SHISAL2B: variants seen among roughly 807,000 people sequenced by gnomAD.
SHISAL2B encodes the protein protein shisa-like-2B.
Under a neutral mutation model 16.5 loss-of-function variants are expected in SHISAL2B, and 12 were observed. The observed-to-expected ratio is 0.73, with a 90% CI of 0.47 to 1.18. The LOEUF (loss-of-function observed/expected upper bound fraction) is 1.18. Ranked by LOEUF, SHISAL2B falls within the 50% of genes most tolerant of loss-of-function variation. The probability of loss-of-function intolerance (pLI) is 0.00; values close to 1 mark genes in which losing one functional copy is unlikely to be tolerated. For missense variants in SHISAL2B, 183 were observed against 193.6 expected (o/e 0.95, Z 0.33); for synonymous variants, 72 against 75.0 (o/e 0.96, Z 0.21).
At chr5:64,715,319 AG>A (rs1167178638) in intron 2 of SHISAL2B, among the ~76,000 whole-genome samples, 1 of 152,180 alleles carries the variant, frequency 6.6e-6, no homozygotes, top group African/African-American at 2.4e-5. Flanking sequence ...ACTCATATCC[AG>A]AAGACATGCT....
intron 2 of SHISAL2B, among the ~76,000 whole-genome samples, chr5:64,702,864 ATAAAC>A (rs1741828492): frequency 6.6e-6 from 1 of 152,222 alleles, no homozygotes; most frequent in Non-Finnish European, 1.5e-5. Flanking sequence ...GTCACTAGTC[ATAAAC>A]TAAATTCTTA....
In SHISAL2B at chr5:64,690,546, G is replaced by C. The variant is rs989906192; in HGVS notation, c.-78G>C. 4.1e-6 allele frequency: 5 copies of C among 1,232,700 alleles called. No individual in the cohort carries two copies. The African/African-American group carries it at 6.3e-5, about 16-fold the overall frequency. The allele number at this position is 1,232,700 out of a possible 1,614,324, so 76.4% of individuals were successfully genotyped here. A position where few individuals can be genotyped will look rare whatever the true frequency, so the allele number is the denominator to read the frequency against. ...GCCGAGTCCGGGCAGAGGGGTCCGC[G>C]GGCTCTGGAGGTGCTGGACGGGTGC... On this transcript the variant is annotated 5_prime_UTR_variant, in exon 1 of 3. Coordinates refer to ENST00000389074, the MANE Select transcript of SHISAL2B (RefSeq NM_001164442.2).
intron 2 of SHISAL2B, among the ~76,000 whole-genome samples, chr5:64,705,866 T>C (rs928106449): frequency 1.4e-4 from 21 of 152,216 alleles, no homozygotes; most frequent in African/African-American, 4.6e-4. Flanking sequence ...TCAGTTAATA[T>C]GTGTAAGATG....
At chr5:64,703,841 G>A (rs1421317786) in intron 2 of SHISAL2B, among the ~76,000 whole-genome samples, 10 of 152,176 alleles carry the variant, frequency 6.6e-5, no homozygotes, top group Non-Finnish European at 1.2e-4. Context: ...CTGTGCTTAT[G>A]TGAGATCTCT....
rs150688615 is a variant in SHISAL2B at position 64,696,444 on chromosome 5, C to T, written c.349+780C>T. ...GACAAACATAAGGTCTGACTGCCTG[C>T]GGGGTTGGGCAGAATAGAGCCATAT... On this transcript the variant is annotated intron_variant, in intron 2 of 2. Coordinates refer to ENST00000389074, the MANE Select transcript of SHISAL2B (RefSeq NM_001164442.2). Among the ~76,000 whole-genome samples, 940 of 152,230 alleles carry T rather than the reference C, an allele frequency of 6.2e-3. 14 individuals carry two copies. Among genetic ancestry groups the T allele is most frequent in the African/African-American group, 0.021 (875 of 41,540 alleles).
chr5:64,706,477 G>T (rs1741878633), intron 2 of SHISAL2B, among the ~76,000 whole-genome samples: 1 of 152,176 alleles, frequency 6.6e-6, no homozygotes, highest in East Asian at 1.9e-4. Flanking sequence ...GAAGTCCCAA[G>T]ATTTATTTAT....
At chr5:64,716,698 C>A (rs1443649399) in intron 2 of SHISAL2B, among the ~76,000 whole-genome samples, 1 of 151,966 alleles carries the variant, frequency 6.6e-6, no homozygotes, top group African/African-American at 2.4e-5. Context: ...ATAATCAGTG[C>A]AAAAGTCCTA....
chr5:64,712,550 T>C (rs1324202671), intron 2 of SHISAL2B, among the ~76,000 whole-genome samples: 4 of 151,202 alleles, frequency 2.6e-5, no homozygotes, highest in African/African-American at 9.7e-5. Context: ...AGATGTCTAT[T>C]AGGTCCACTT....
intron 2 of SHISAL2B, among the ~76,000 whole-genome samples, chr5:64,707,332 C>T (rs1321245658): frequency 6.6e-6 from 1 of 152,106 alleles, no homozygotes; most frequent in African/African-American, 2.4e-5. Flanking sequence ...TTCCTCTCCT[C>T]TTGAGGTCCC....
chr5:64,693,590 C>T (rs1561373403), intron 1 of SHISAL2B, among the ~76,000 whole-genome samples: 1 of 152,198 alleles, frequency 6.6e-6, no homozygotes, highest in African/African-American at 2.4e-5. Context: ...TGTCTAGCCT[C>T]TTATCTGCTC....
chr5:64,697,467 A>G (rs892922638), intron 2 of SHISAL2B, among the ~76,000 whole-genome samples: 4 of 152,212 alleles, frequency 2.6e-5, no homozygotes, highest in African/African-American at 9.6e-5. Context: ...TTATTTCTCA[A>G]ACATCAAGTG....
chr5:64,707,970 C>T (rs761297237), intron 2 of SHISAL2B, among the ~76,000 whole-genome samples: 5 of 152,140 alleles, frequency 3.3e-5, no homozygotes, highest in African/African-American at 4.8e-5. Flanking sequence ...CAAAGTCCTA[C>T]AGCTGATTAT....
At chr5:64,710,320 C>A (rs1741940821) in intron 2 of SHISAL2B, among the ~76,000 whole-genome samples, 1 of 109,172 alleles carries the variant, frequency 9.2e-6, no homozygotes, top group African/African-American at 4.3e-5. Context: ...TTGTTTTTCT[C>A]AGGTTTGTCA....
At chr5:64,701,043 A>G (rs115929029) in intron 2 of SHISAL2B, among the ~76,000 whole-genome samples, 9,864 of 152,258 alleles carry the variant, frequency 0.065, 1,061 homozygotes, top group African/African-American at 0.23. Flanking sequence ...GCACTGGTCC[A>G]TGGCCCAGGG....
At chr5:64,717,271 T>C (rs1003302744) in intron 2 of SHISAL2B, among the ~76,000 whole-genome samples, 1 of 152,208 alleles carries the variant, frequency 6.6e-6, no homozygotes, top group African/African-American at 2.4e-5. Flanking sequence ...ATTTATGTTA[T>C]TTTCTATTGG....
intron 1 of SHISAL2B, among the ~76,000 whole-genome samples, chr5:64,693,878 T>C (rs1485451177): frequency 6.6e-6 from 1 of 152,128 alleles, no homozygotes; most frequent in African/African-American, 2.4e-5. Flanking sequence ...GGGTTGACAA[T>C]AAACCAAGCA....
intron 2 of SHISAL2B, among the ~76,000 whole-genome samples, chr5:64,717,559 C>G (rs1025638253): frequency 2.0e-5 from 3 of 152,096 alleles, no homozygotes; most frequent in African/African-American, 7.2e-5. Context: ...GTAGTTTATG[C>G]ATAGGAGAGG....
At chr5:64,716,827 A>G (rs753880609) in intron 2 of SHISAL2B, among the ~76,000 whole-genome samples, 13 of 152,206 alleles carry the variant, frequency 8.5e-5, no homozygotes, top group Non-Finnish European at 1.8e-4. Flanking sequence ...AGGCCACTGT[A>G]TAAGACTTGG....
At chr5:64,697,059 C>A (rs928413106) in intron 2 of SHISAL2B, among the ~76,000 whole-genome samples, 2 of 152,276 alleles carry the variant, frequency 1.3e-5, no homozygotes, top group Middle Eastern at 3.4e-3. Flanking sequence ...CCTGGAGGCC[C>A]AGCTGTAAAA....
Sources: allele counts gnomAD v4.1 joint callset (sites outside exome capture counted in the v4.1 genomes callset), GRCh38; gene constraint gnomAD v4.1.1; transcripts MANE v1.5; gene names NCBI Gene and HGNC (gene_info 2026-07-23, HGNC 2026-07-21).